RTN4RL1: variants seen among roughly 807,000 people sequenced by gnomAD.
The protein encoded by RTN4RL1 is reticulon 4 receptor like 1.
RTN4RL1 carries 7 observed loss-of-function variants against 25.6 expected under a neutral mutation model. The ratio of observed to expected loss-of-function variants is 0.27; its 90% CI spans 0.16 to 0.51. The LOEUF is 0.51. RTN4RL1 is among the 20% of genes least tolerant of loss of function. The probability of loss-of-function intolerance (pLI) is 0.97; values close to 1 mark genes in which losing one functional copy is unlikely to be tolerated. For synonymous variants in RTN4RL1, 297 were observed against 288.2 expected, an observed-to-expected ratio of 1.03 and a Z score of -0.31; for missense variants, 500 against 615.6, an observed-to-expected ratio of 0.81 and a Z score of 1.99.
chr17:1,982,533 T>C (rs959511128), intron 1 of RTN4RL1, among the ~76,000 whole-genome samples: 3 of 147,306 alleles, frequency 2.0e-5, no homozygotes, highest in African/African-American at 7.6e-5. Flanking sequence ...GAGAATGGCA[T>C]GAACCAGGGA....
In RTN4RL1 at chr17:1,936,208, A is replaced by T; in HGVS notation, c.*288T>A. The T allele has an allele frequency of 8.1e-7, 1 of 1,240,386 alleles. No homozygotes were observed. The highest frequency in any genetic ancestry group is 1.0e-6 in the Non-Finnish European group (1 of 990,298). 76.8% of individuals were successfully genotyped at this position (1,240,386 alleles called of 1,614,324 possible). ...ATTGTCCCACTGTTGCCAGTGGAGG[A>T]TGCACTTGGAGTGCCTTTTCCCACC... is the stretch of plus-strand genomic sequence containing the variant. On this transcript the variant is annotated 3_prime_UTR_variant, in exon 2 of 2. Transcript: ENST00000331238.
intron 1 of RTN4RL1, among the ~76,000 whole-genome samples, chr17:1,953,324 T>G (rs1216918958): frequency 3.3e-5 from 5 of 151,960 alleles, no homozygotes; most frequent in Non-Finnish European, 4.4e-5. Flanking sequence ...GAAGATCACT[T>G]GAGCCCAAGA....
intron 1 of RTN4RL1, among the ~76,000 whole-genome samples, chr17:1,977,883 A>G (rs2066849747): frequency 6.6e-6 from 1 of 151,634 alleles, no homozygotes; most frequent in African/African-American, 2.4e-5. Context: ...CGCATCCTGC[A>G]TCCTGCACCC....
chr17:1,953,647 C>T (rs932780707), intron 1 of RTN4RL1, among the ~76,000 whole-genome samples: 1 of 152,092 alleles, frequency 6.6e-6, no homozygotes, highest in African/African-American at 2.4e-5. Context: ...TCACTGCAAC[C>T]TCTACCTCCT....
chr17:2,007,717 G>T (rs558902895), intron 1 of RTN4RL1, among the ~76,000 whole-genome samples: 9 of 152,120 alleles, frequency 5.9e-5, no homozygotes, highest in Non-Finnish European at 8.8e-5. Flanking sequence ...AGGCCAAGGC[G>T]GTCAGACCAT....
intron 1 of RTN4RL1, among the ~76,000 whole-genome samples, chr17:2,008,882 C>T (rs2067021934): frequency 6.6e-6 from 1 of 152,102 alleles, no homozygotes. Flanking sequence ...TCCTTATCAC[C>T]TACACCATCC....
intron 1 of RTN4RL1, among the ~76,000 whole-genome samples, chr17:1,972,664 T>C (rs1005318697): frequency 1.3e-5 from 2 of 152,170 alleles, no homozygotes; most frequent in Admixed American, 6.5e-5. Flanking sequence ...GGAGCTCTCA[T>C]CATTTCCTGA....
At position 1,935,034 on chromosome 17, in the gene RTN4RL1, C is replaced by CG. The variant is rs76567523; in HGVS notation, c.*1461_*1462insC. ...TCATTGTTCCCCTTCTGCTAAGGCC[C>CG]CCGACGCCTCCCTCCTGCTGTCCCA... On this transcript the variant is annotated 3_prime_UTR_variant, in exon 2 of 2. Transcript: ENST00000331238. 7.3e-6 allele frequency: 1 copy of CG among 136,746 alleles called. No homozygotes were observed. Among genetic ancestry groups the CG allele is most frequent in the African/African-American group, 3.0e-5 (1 of 33,128 alleles). The allele number at this position is 136,746 out of a possible 1,614,324, so 8.5% of individuals were successfully genotyped here.
chr17:1,967,997 C>T (rs9900225), intron 1 of RTN4RL1, among the ~76,000 whole-genome samples: 15,211 of 152,070 alleles, frequency 0.1, 1,070 homozygotes, highest in African/African-American at 0.18. Flanking sequence ...GAAATCTCCC[C>T]CTCTCGGTTT....
intron 1 of RTN4RL1, among the ~76,000 whole-genome samples, chr17:1,956,297 G>A (rs1337153916): frequency 2.0e-5 from 3 of 152,152 alleles, no homozygotes; most frequent in African/African-American, 7.2e-5. Flanking sequence ...TAACGCGTAC[G>A]GCGAAAGATC....
At chr17:2,006,091 C>T (rs200911155) in intron 1 of RTN4RL1, among the ~76,000 whole-genome samples, 3 of 151,208 alleles carry the variant, frequency 2.0e-5, no homozygotes, top group African/African-American at 4.9e-5. Context: ...GCCACCACCC[C>T]GGCCTCTTTT....
At chr17:1,980,613 TAAAC>T (rs1465793182) in intron 1 of RTN4RL1, among the ~76,000 whole-genome samples, 4 of 152,082 alleles carry the variant, frequency 2.6e-5, no homozygotes, top group Non-Finnish European at 2.9e-5. Flanking sequence ...TAAAAATAAA[TAAAC>T]AAACACAAGA....
chr17:2,024,896 G>T lies in RTN4RL1; in HGVS notation c.-31C>A. ...CCACGGGGCCGCCGCTCCGAGGTCG[G>T]CCTAGGCGCACTCCCTCCCGGGGTC... is the stretch of plus-strand genomic sequence containing the variant. On this transcript the variant is annotated 5_prime_UTR_variant, in exon 1 of 2. Coordinates refer to ENST00000331238, the MANE Select transcript of RTN4RL1 (RefSeq NM_178568.4). The T allele has an allele frequency of 6.3e-7, 1 of 1,579,778 alleles. No individual in the cohort carries two copies. The highest frequency in any genetic ancestry group is 8.6e-7 in the Non-Finnish European group (1 of 1,163,722).
At chr17:1,971,842 G>C (rs1305551805) in intron 1 of RTN4RL1, among the ~76,000 whole-genome samples, 1 of 151,542 alleles carries the variant, frequency 6.6e-6, no homozygotes, top group Non-Finnish European at 1.5e-5. Context: ...GGCGCCTGTA[G>C]TCCCAGCTAC....
At chr17:1,978,953 CT>C (rs1347184074) in intron 1 of RTN4RL1, among the ~76,000 whole-genome samples, 1 of 152,236 alleles carries the variant, frequency 6.6e-6, no homozygotes, top group East Asian at 1.9e-4. Flanking sequence ...GTGTGGCCCC[CT>C]CATCTGCTGC....
At chr17:1,939,004 C>T (rs1376089359) in intron 1 of RTN4RL1, among the ~76,000 whole-genome samples, 2 of 151,598 alleles carry the variant, frequency 1.3e-5, no homozygotes, top group African/African-American at 4.8e-5. Context: ...TGAGATTGCA[C>T]TACCACACTC....
intron 1 of RTN4RL1, among the ~76,000 whole-genome samples, chr17:1,971,709 TC>T (rs2066819808): frequency 6.6e-6 from 1 of 151,844 alleles, no homozygotes; most frequent in Admixed American, 6.6e-5. Context: ...AAGCCTGTAA[TC>T]CCAGCACTTT....
intron 1 of RTN4RL1, among the ~76,000 whole-genome samples, chr17:1,940,562 G>T (rs1419362122): frequency 6.6e-6 from 1 of 152,182 alleles, no homozygotes; most frequent in Non-Finnish European, 1.5e-5. Flanking sequence ...CCTGCAGGGG[G>T]AGGCAGGGGT....
At chr17:2,016,619 G>A (rs1377577255) in intron 1 of RTN4RL1, among the ~76,000 whole-genome samples, 1 of 152,246 alleles carries the variant, frequency 6.6e-6, no homozygotes, top group Non-Finnish European at 1.5e-5. Flanking sequence ...ACAGGGCTGC[G>A]GTGAGAGACG....
Sources: allele counts gnomAD v4.1 joint callset (sites outside exome capture counted in the v4.1 genomes callset), GRCh38; gene constraint gnomAD v4.1.1; transcripts MANE v1.5; gene names NCBI Gene and HGNC (gene_info 2026-07-23, HGNC 2026-07-21).